The following WDR19 variants were observed in gnomAD, a reference collection of about 807,000 sequenced individuals.
WDR19 encodes the protein WD repeat-containing protein 19.
WDR19 carries 121 observed loss-of-function variants against 180.0 expected under a neutral mutation model. That is an observed-to-expected ratio of 0.67 (90% CI 0.58 to 0.78). The LOEUF (loss-of-function observed/expected upper bound fraction) is 0.78. WDR19 is among the 30% of genes least tolerant of loss of function. The pLI is 0.00. For missense variants in WDR19, 1,450 were observed against 1,640.7 expected, an observed-to-expected ratio of 0.88 and a Z score of 2.01; for synonymous variants, 497 against 540.7, an observed-to-expected ratio of 0.92 and a Z score of 1.12.
chr4:39,261,938 A>ATT (rs11374244), intron 28 of WDR19, among the ~76,000 whole-genome samples: 38 of 152,092 alleles, frequency 2.5e-4, no homozygotes, highest in African/African-American at 8.7e-4. Context: ...TTACTACTGG[A>ATT]TTTTTTTTCA....
chr4:39,280,119 G>GTTTTTTTTTTTTTTTTTTTTTTTTTT (rs551041321), intron 36 of WDR19, among the ~76,000 whole-genome samples: 1 of 53,974 alleles, frequency 1.9e-5, no homozygotes, highest in Non-Finnish European at 3.6e-5. Context: ...CCCTTTTCTT[G>GTTTTTTTTTTTTTTTTTTTTTTTTTT]TTTTTTTTTT....
intron 5 of WDR19, among the ~76,000 whole-genome samples, chr4:39,194,960 A>G (rs1053540084): frequency 2.0e-5 from 3 of 152,236 alleles, no homozygotes; most frequent in East Asian, 1.9e-4. Flanking sequence ...TGGACGAGGA[A>G]TAGCTCATAC....
At chr4:39,265,354 A>T (rs1366798223) in intron 28 of WDR19, among the ~76,000 whole-genome samples, 2 of 152,094 alleles carry the variant, frequency 1.3e-5, no homozygotes, top group Non-Finnish European at 2.9e-5. Flanking sequence ...ACATGTAGTC[A>T]TGCGCAAGTA....
intron 36 of WDR19, among the ~76,000 whole-genome samples, chr4:39,282,144 A>C (rs1400325344): frequency 6.6e-6 from 1 of 152,206 alleles, no homozygotes; most frequent in Non-Finnish European, 1.5e-5. Flanking sequence ...ATATAATTAA[A>C]TCTAATATGG....
intron 9 of WDR19, among the ~76,000 whole-genome samples, chr4:39,213,413 C>A (rs1227946587): frequency 6.6e-6 from 1 of 152,192 alleles, no homozygotes; most frequent in African/African-American, 2.4e-5. Flanking sequence ...CCTATTGATA[C>A]ACCCAACAAC....
chr4:39,236,571 C>T (rs1467592548), intron 20 of WDR19, among the ~76,000 whole-genome samples: 1 of 152,176 alleles, frequency 6.6e-6, no homozygotes, highest in Non-Finnish European at 1.5e-5. Flanking sequence ...CCAATATATG[C>T]ATGCAAAGAC....
chr4:39,197,422 T>C (rs1445860825), intron 5 of WDR19, among the ~76,000 whole-genome samples: 1 of 34,680 alleles, frequency 2.9e-5, no homozygotes, highest in Admixed American at 4.5e-4. Context: ...CAAGACTCTA[T>C]CTCAAAAAAA....
Position 39,217,229 on chromosome 4 carries a change from C to G in WDR19, c.1345C>G (p.Gln449Glu). 6.3e-7 allele frequency: 1 copy of G among 1,596,556 alleles called. No individual in the cohort carries two copies. The highest frequency in any genetic ancestry group is 8.5e-7 in the Non-Finnish European group (1 of 1,170,936). ...YAAALFEGKV[Q>E]LHLIESEILD... ...TGCTGCACTTTTTGAAGGCAAAGTCCAGTTACATTTGGTAAGTATAATTTT... is the reference window on the plus strand; with the variant it reads ...TGCTGCACTTTTTGAAGGCAAAGTCGAGTTACATTTGGTAAGTATAATTTT... The change falls in exon 13 of 37, where the codon CAG (glutamine) becomes GAG (glutamate). Residue 449 changes from glutamine (Q) to glutamate (E), a missense_variant. Transcript: ENST00000399820.
chr4:39,188,806 A>G (rs1166202692), intron 3 of WDR19, among the ~76,000 whole-genome samples: 1 of 152,066 alleles, frequency 6.6e-6, no homozygotes, highest in Non-Finnish European at 1.5e-5. Context: ...GCTGGAGTAC[A>G]GTGACACAAA....
At chr4:39,227,499 A>C (rs1161648273) in intron 15 of WDR19, among the ~76,000 whole-genome samples, 4 of 152,212 alleles carry the variant, frequency 2.6e-5, no homozygotes, top group Non-Finnish European at 5.9e-5. Context: ...CCTGTGCAGA[A>C]AACTTTTGTT....
At chr4:39,281,485 TTA>T (rs1736538137) in intron 36 of WDR19, among the ~76,000 whole-genome samples, 1 of 152,116 alleles carries the variant, frequency 6.6e-6, no homozygotes, top group Non-Finnish European at 1.5e-5. Flanking sequence ...TACTGTGGCT[TTA>T]TAGACTCTCT....
chr4:39,261,774 A>G lies in WDR19; in HGVS notation c.3183+4220A>G, dbSNP rs543351111. 5.6e-4 allele frequency among the ~76,000 whole-genome samples: 86 copies of G among 152,264 alleles called. 1 individual carries two copies. Among genetic ancestry groups the G allele is most frequent in the Non-Finnish European group, 1.1e-3 (77 of 68,042 alleles). On this transcript the variant is annotated intron_variant, in intron 28 of 36. Coordinates refer to ENST00000399820, the MANE Select transcript of WDR19 (RefSeq NM_025132.4). The stretch of plus-strand genomic sequence containing the variant: ...GCAGCTGTCAAATTTCTCTCCTTTC[A>G]TTAGTATTCTGTAATCCCACAGTAC...
intron 18 of WDR19, 45 bp from the exon 19 acceptor site, chr4:39,232,117 A>G: frequency 6.4e-7 from 1 of 1,555,778 alleles, no homozygotes; most frequent in Non-Finnish European, 8.8e-7. Context: ...AAAAAAAGTT[A>G]AACTCTTGCA....
At chr4:39,231,037 G>A (rs1730789267) in intron 17 of WDR19, among the ~76,000 whole-genome samples, 1 of 151,670 alleles carries the variant, frequency 6.6e-6, no homozygotes, top group Non-Finnish European at 1.5e-5. Context: ...CTGGGCCGGG[G>A]ACGGTGGCTC....
At position 39,232,254 on chromosome 4, in the gene WDR19, T is replaced by C; in HGVS notation, c.2235T>C (p.Cys745=). 1.2e-6 allele frequency: 2 copies of C among 1,609,124 alleles called. No homozygotes were observed. The highest frequency in any genetic ancestry group is 1.7e-6 in the Non-Finnish European group (2 of 1,177,968). The stretch of plus-strand genomic sequence containing the variant: ...AGGACTTGTACCTTGCATCCAGCTG[T>C]CCTATTGCTGCCCTGGAGGTATGGC... ...LAQDLYLASS[C]PIAALEMRRD... Residue 745 remains cysteine, a synonymous_variant, in exon 19 of 37, where the codon TGT becomes TGC. Transcript: ENST00000399820.
chr4:39,253,078 C>G lies in WDR19; in HGVS notation c.2730-68C>G. On this transcript the variant is annotated intron_variant, in intron 24 of 36. Transcript: ENST00000399820. ...CAATAAAATTTAAAAGTGTCCTAAA[C>G]ATTTATCAACATTTTCTCCCCAAAT... is the stretch of plus-strand genomic sequence containing the variant. 2.0e-6 allele frequency: 3 copies of G among 1,463,452 alleles called. No homozygotes were observed. In the Middle Eastern group the frequency reaches 5.7e-4, roughly 276 times the overall value. The allele number at this position is 1,463,452 out of a possible 1,614,324, so 90.7% of individuals were successfully genotyped here.
chr4:39,211,203 A>G (rs992538561), intron 9 of WDR19, among the ~76,000 whole-genome samples: 2 of 152,176 alleles, frequency 1.3e-5, no homozygotes, highest in African/African-American at 4.8e-5. Context: ...AAAAAAAAGA[A>G]CAACTACAAA....
intron 14 of WDR19, among the ~76,000 whole-genome samples, chr4:39,220,528 C>CTTT (rs34613717): frequency 1.1e-5 from 1 of 92,012 alleles, no homozygotes; most frequent in Non-Finnish European, 1.9e-5. Flanking sequence ...TCTTCTTCTT[C>CTTT]TTTTTTTTTT....
At chr4:39,235,399 G>A (rs1302390283) in intron 20 of WDR19, among the ~76,000 whole-genome samples, 1 of 152,116 alleles carries the variant, frequency 6.6e-6, no homozygotes, top group Non-Finnish European at 1.5e-5. Context: ...CAAAGTGCTA[G>A]GATTATAAGC....
Sources: gnomAD v4.1 joint callset for allele counts (sites outside exome capture counted in the v4.1 genomes callset) on GRCh38, gnomAD v4.1.1 for gene constraint, MANE v1.5 for transcripts, NCBI Gene and HGNC (gene_info 2026-07-23, HGNC 2026-07-21) for gene names.